SYT1: variants seen among roughly 807,000 people sequenced by gnomAD.
The protein encoded by SYT1 is synaptotagmin 1.
Under a neutral mutation model 44.8 loss-of-function variants are expected in SYT1, and 8 were observed. The observed-to-expected ratio is 0.18, with a 90% CI of 0.10 to 0.32. The LOEUF is 0.32. SYT1 is among the 10% of genes least tolerant of loss of function. SYT1 has a pLI of 1.00. For missense variants in SYT1, 286 were observed against 509.3 expected (o/e 0.56, Z 4.22); for synonymous variants, 154 against 188.8 (o/e 0.82, Z 1.51).
intron 3 of SYT1, among the ~76,000 whole-genome samples, chr12:79,208,248 G>T (rs1413736253): frequency 2.0e-5 from 3 of 152,070 alleles, no homozygotes. Context: ...GACATTGTGG[G>T]GGCATATTTG....
chr12:79,402,957 G>T (rs544298439), intron 9 of SYT1, among the ~76,000 whole-genome samples: 1 of 152,260 alleles, frequency 6.6e-6, no homozygotes, highest in Admixed American at 6.5e-5. Flanking sequence ...CAAACCTATT[G>T]CAAAAGCAAT....
At position 79,449,165 on chromosome 12, in the gene SYT1, C is replaced by A; in HGVS notation, c.*41C>A. The A allele has an allele frequency of 6.4e-7, 1 of 1,554,318 alleles. No homozygotes were observed. Among genetic ancestry groups the A allele is most frequent in the Non-Finnish European group, 8.7e-7 (1 of 1,146,478 alleles). ...TTTCTGCATTTGCCCATATAGTGCTCTTTAGCCAGTATCTGTAAATACCTC... is the reference window on the plus strand; with the variant it reads ...TTTCTGCATTTGCCCATATAGTGCTATTTAGCCAGTATCTGTAAATACCTC... On this transcript the variant is annotated 3_prime_UTR_variant, in exon 11 of 11. Transcript: ENST00000261205.
At chr12:79,104,675 G>T (rs1878616062) in intron 3 of SYT1, among the ~76,000 whole-genome samples, 1 of 151,568 alleles carries the variant, frequency 6.6e-6, no homozygotes, top group South Asian at 2.1e-4. Flanking sequence ...TACTCTAAAG[G>T]CTTCTGGTAA....
At chr12:79,434,084 A>T (rs1216522990) in intron 9 of SYT1, among the ~76,000 whole-genome samples, 1 of 152,218 alleles carries the variant, frequency 6.6e-6, no homozygotes, top group African/African-American at 2.4e-5. Context: ...CTTTTCATTT[A>T]ATTCATAATA....
chr12:79,170,098 T>C (rs749407270), intron 3 of SYT1, among the ~76,000 whole-genome samples: 3 of 152,150 alleles, frequency 2.0e-5, no homozygotes, highest in African/African-American at 7.2e-5. Context: ...CAGTCTATCA[T>C]TGATGGGCAT....
At chr12:79,282,446 C>T (rs1879100186) in intron 4 of SYT1, among the ~76,000 whole-genome samples, 1 of 152,068 alleles carries the variant, frequency 6.6e-6, no homozygotes, top group Non-Finnish European at 1.5e-5. Flanking sequence ...CAATTATTTT[C>T]TGCTGAAAGG....
At chr12:79,420,170 A>G (rs1191316270) in intron 9 of SYT1, among the ~76,000 whole-genome samples, 1 of 152,120 alleles carries the variant, frequency 6.6e-6, no homozygotes, top group Admixed American at 6.6e-5. Context: ...ATATTTACAT[A>G]AGAGTGGGAT....
chr12:79,115,856 G>A (rs1879247436), intron 3 of SYT1, among the ~76,000 whole-genome samples: 1 of 152,152 alleles, frequency 6.6e-6, no homozygotes, highest in Admixed American at 6.5e-5. Context: ...GTTTAGGGTT[G>A]CTTTGAATAT....
intron 8 of SYT1, among the ~76,000 whole-genome samples, chr12:79,323,737 A>T (rs1881474923): frequency 6.6e-6 from 1 of 151,756 alleles, no homozygotes; most frequent in Non-Finnish European, 1.5e-5. Flanking sequence ...TTCATGGAAT[A>T]TTAGATAGCC....
intron 4 of SYT1, among the ~76,000 whole-genome samples, chr12:79,227,572 T>C (rs1875597855): frequency 6.6e-6 from 1 of 152,194 alleles, no homozygotes. Context: ...AGAAATGTTA[T>C]TGGATAGACA....
At position 78,933,427 on chromosome 12, in the gene SYT1, A is replaced by G. The variant is rs146733278; in HGVS notation, c.-216-44372A>G. Among the ~76,000 whole-genome samples the G allele has an allele frequency of 3.4e-3, 520 of 152,306 alleles. 3 individuals carry two copies. Among genetic ancestry groups the G allele is most frequent in the Middle Eastern group, 0.024 (7 of 294 alleles). On this transcript the variant is annotated intron_variant, in intron 1 of 10. Coordinates refer to ENST00000261205, the MANE Select transcript of SYT1 (RefSeq NM_005639.3). The stretch of plus-strand genomic sequence containing the variant: ...TAGCATATATTATCAATATAAGAGT[A>G]ACCCAGGAAAATCATTGTTATGGCT...
intron 1 of SYT1, among the ~76,000 whole-genome samples, chr12:78,931,234 A>AGAAAGAAG (rs1565723432): frequency 7.8e-5 from 4 of 51,418 alleles, no homozygotes; most frequent in Admixed American, 4.7e-4. Flanking sequence ...AAAGAAAGAA[A>AGAAAGAAG]GAAAGAAGGA....
intron 9 of SYT1, among the ~76,000 whole-genome samples, chr12:79,371,209 G>A (rs1474489427): frequency 6.6e-6 from 1 of 152,014 alleles, no homozygotes; most frequent in Non-Finnish European, 1.5e-5. Context: ...TAAAGAAATG[G>A]CAAAGGCCCA....
chr12:79,391,245 A>C (rs1289224756), intron 9 of SYT1, among the ~76,000 whole-genome samples: 1 of 152,192 alleles, frequency 6.6e-6, no homozygotes, highest in Non-Finnish European at 1.5e-5. Context: ...ATCCTGATTC[A>C]ATAGCTCTGA....
chr12:79,191,205 A>C (rs897153102), intron 3 of SYT1, among the ~76,000 whole-genome samples: 1 of 152,074 alleles, frequency 6.6e-6, no homozygotes, highest in African/African-American at 2.4e-5. Flanking sequence ...TCACAGGTTC[A>C]TTCAAGAAAA....
chr12:79,397,449 G>A (rs1050426664), intron 9 of SYT1, among the ~76,000 whole-genome samples: 4 of 152,024 alleles, frequency 2.6e-5, no homozygotes, highest in Admixed American at 1.3e-4. Context: ...GGCTGGTCTC[G>A]AACTCCCGGC....
At chr12:79,307,734 C>T (rs1264103611) in intron 8 of SYT1, among the ~76,000 whole-genome samples, 6 of 152,194 alleles carry the variant, frequency 3.9e-5, no homozygotes, top group Non-Finnish European at 7.3e-5. Flanking sequence ...GGCTGTTTAC[C>T]GGCAATGGCA....
intron 2 of SYT1, among the ~76,000 whole-genome samples, chr12:79,032,149 T>C (rs1872868056): frequency 6.6e-6 from 1 of 151,110 alleles, no homozygotes; most frequent in African/African-American, 2.4e-5. Context: ...GAGGATGCTG[T>C]GTTGGGAAAG....
In SYT1 at chr12:79,112,685, T is replaced by C. The variant is rs1879081126; in HGVS notation, c.-18+65323T>C. Reference sequence around the variant, plus strand: ...ATCTAAAATAAACATATTCTTTTAGTTTATTCCCTCAAATAGATAAAATGA... The same window carrying C: ...ATCTAAAATAAACATATTCTTTTAGCTTATTCCCTCAAATAGATAAAATGA... On this transcript the variant is annotated intron_variant, in intron 3 of 10. Coordinates refer to ENST00000261205, the MANE Select transcript of SYT1 (RefSeq NM_005639.3). Among the ~76,000 whole-genome samples the C allele has an allele frequency of 3.3e-5, 5 of 152,276 alleles. No individual in the cohort carries two copies. In the South Asian group the frequency reaches 1.0e-3, roughly 32 times the overall value.
Sources: allele counts gnomAD v4.1 joint callset (sites outside exome capture counted in the v4.1 genomes callset), GRCh38; gene constraint gnomAD v4.1.1; transcripts MANE v1.5; gene names NCBI Gene and HGNC (gene_info 2026-07-23, HGNC 2026-07-21).